The following PACRG variants were observed in gnomAD, a reference collection of about 807,000 sequenced individuals.
The protein encoded by PACRG is parkin coregulated gene protein.
Under a neutral mutation model 29.7 loss-of-function variants are expected in PACRG, and 29 were observed. The observed-to-expected ratio is 0.98, with a 90% CI of 0.73 to 1.33. The LOEUF is 1.33. Ranked by LOEUF, PACRG falls within the 40% of genes most tolerant of loss-of-function variation. The pLI is 0.00. For missense variants in PACRG, 279 were observed against 316.2 expected (o/e 0.88, Z 0.89); for synonymous variants, 116 against 118.7 (o/e 0.98, Z 0.15).
intron 4 of PACRG, chr6:163,101,381 A>T (rs1815075743): frequency 1.0e-6 from 1 of 977,888 alleles, no homozygotes; most frequent in Non-Finnish European, 1.2e-6. Context: ...TGAGGAGTTC[A>T]TAGTTTTTCT....
chr6:162,895,127 A>G (rs1011776578), intron 2 of PACRG, among the ~76,000 whole-genome samples: 2 of 148,588 alleles, frequency 1.3e-5, no homozygotes, highest in African/African-American at 4.9e-5. Context: ...AAATTTAGCC[A>G]TGTGTGGTGG....
At chr6:163,190,243 A>T (rs970702000) in intron 4 of PACRG, 1 of 152,170 alleles carries the variant, frequency 6.6e-6, no homozygotes, top group African/African-American at 2.4e-5. Flanking sequence ...TACAAATCGA[A>T]TCTTCAATGA....
At chr6:162,826,228 G>T (rs1479662625) in intron 2 of PACRG, among the ~76,000 whole-genome samples, 1 of 152,084 alleles carries the variant, frequency 6.6e-6, no homozygotes, top group East Asian at 1.9e-4. Context: ...GCATGATTGT[G>T]TATGTGTGTG....
intron 2 of PACRG, among the ~76,000 whole-genome samples, chr6:163,053,597 G>A (rs76480998): frequency 1.1e-4 from 16 of 152,136 alleles, no homozygotes; most frequent in Non-Finnish European, 2.2e-4. Context: ...ACAAGCACCC[G>A]GAAGCCTATC....
chr6:162,844,866 C>T (rs374864786), intron 2 of PACRG, among the ~76,000 whole-genome samples: 5 of 152,202 alleles, frequency 3.3e-5, no homozygotes, highest in African/African-American at 1.2e-4. Flanking sequence ...GTACCAGTTA[C>T]TCCATCATGG....
At chr6:163,159,543 G>C (rs1008180881) in intron 4 of PACRG, among the ~76,000 whole-genome samples, 3 of 151,962 alleles carry the variant, frequency 2.0e-5, no homozygotes, top group Non-Finnish European at 2.9e-5. Context: ...TTTTAGTCCT[G>C]ATTCTGTACT....
chr6:162,990,874 C>G (rs1803398476), intron 2 of PACRG, among the ~76,000 whole-genome samples: 1 of 104,574 alleles, frequency 9.6e-6, no homozygotes. Flanking sequence ...GGTTTTAGGT[C>G]TAACGTTTAA....
intron 2 of PACRG, among the ~76,000 whole-genome samples, chr6:162,889,061 T>C (rs772532305): frequency 4.7e-4 from 71 of 152,204 alleles, no homozygotes; most frequent in Non-Finnish European, 9.1e-4. Flanking sequence ...AGCATTATTT[T>C]AGCAACACAA....
At chr6:162,909,166 C>A (rs1584729153) in intron 2 of PACRG, among the ~76,000 whole-genome samples, 1 of 152,134 alleles carries the variant, frequency 6.6e-6, no homozygotes, top group South Asian at 2.1e-4. Flanking sequence ...TACTACTTTC[C>A]ACTTCACAAG....
intron 3 of PACRG, among the ~76,000 whole-genome samples, chr6:163,079,966 C>T (rs566465772): frequency 2.9e-5 from 4 of 135,608 alleles, no homozygotes; most frequent in Non-Finnish European, 6.0e-5. Context: ...GGCGCGGTCT[C>T]GGCTCACTGC....
chr6:162,879,292 A>C (rs1793632013), intron 2 of PACRG, among the ~76,000 whole-genome samples: 1 of 152,242 alleles, frequency 6.6e-6, no homozygotes, highest in Non-Finnish European at 1.5e-5. Flanking sequence ...GAAGGGAAAA[A>C]ATAGCACAAA....
intron 4 of PACRG, among the ~76,000 whole-genome samples, chr6:163,129,740 C>T (rs1160415300): frequency 6.6e-6 from 1 of 152,186 alleles, no homozygotes; most frequent in Non-Finnish European, 1.5e-5. Flanking sequence ...CCAAGGTATC[C>T]AACCTCACAC....
rs528961545 is a variant in PACRG at position 162,798,103 on chromosome 6, C to G, written c.157-16044C>G. Among the ~76,000 whole-genome samples, 4 of 152,294 alleles carry G rather than the reference C, an allele frequency of 2.6e-5. No individual in the cohort carries two copies. In the East Asian group the frequency reaches 5.8e-4, roughly 22 times the overall value. On this transcript the variant is annotated intron_variant, in intron 1 of 4. Coordinates refer to ENST00000366888, the MANE Select transcript of PACRG (RefSeq NM_001080379.2). ...TATTGTGCTAGGTCCCACTTTAATA[C>G]TTACTGCTGAATTGAATTGATTTTT...
intron 4 of PACRG, among the ~76,000 whole-genome samples, chr6:163,232,103 C>T (rs1782067807): frequency 6.6e-6 from 1 of 152,242 alleles, no homozygotes; most frequent in African/African-American, 2.4e-5. Flanking sequence ...CCACCCAAGG[C>T]AGCTCTCTAC....
chr6:162,916,072 C>G (rs1463136972), intron 2 of PACRG, among the ~76,000 whole-genome samples: 2 of 152,058 alleles, frequency 1.3e-5, no homozygotes, highest in African/African-American at 4.8e-5. Context: ...TCTGGTAGAG[C>G]AGGTATAAGA....
intron 1 of PACRG, among the ~76,000 whole-genome samples, chr6:162,755,537 G>A (rs1781846854): frequency 6.6e-6 from 1 of 152,104 alleles, no homozygotes; most frequent in Non-Finnish European, 1.5e-5. Flanking sequence ...CCTGGTTCAA[G>A]TGATTCTCCT....
intron 2 of PACRG, among the ~76,000 whole-genome samples, chr6:162,845,341 G>A (rs1790268997): frequency 6.6e-6 from 1 of 151,138 alleles, no homozygotes; most frequent in Admixed American, 6.6e-5. Context: ...AATCCCCCAG[G>A]CTTGCAAAAT....
intron 2 of PACRG, among the ~76,000 whole-genome samples, chr6:162,893,971 G>A (rs1213613046): frequency 3.3e-5 from 5 of 152,202 alleles, no homozygotes; most frequent in Non-Finnish European, 5.9e-5. Context: ...ACCTTGGGAC[G>A]TAAAGAAATG....
chr6:162,778,073 G>C (rs1175848678), intron 1 of PACRG, among the ~76,000 whole-genome samples: 1 of 152,212 alleles, frequency 6.6e-6, no homozygotes, highest in African/African-American at 2.4e-5. Context: ...AACAACTGCA[G>C]GTGAATAGTG....
Sources: allele counts gnomAD v4.1 joint callset (sites outside exome capture counted in the v4.1 genomes callset), GRCh38; gene constraint gnomAD v4.1.1; transcripts MANE v1.5; gene names NCBI Gene and HGNC (gene_info 2026-07-23, HGNC 2026-07-21).